Variants in DIP2C observed in about 807,000 individuals in gnomAD.
DIP2C encodes DIP2 acetate--CoA ligase C (putative), also known as disco-interacting protein 2 homolog C.
A neutral mutation model predicts 192.4 loss-of-function variants in DIP2C; 33 were observed. The ratio of observed to expected loss-of-function variants is 0.17; its 90% CI spans 0.13 to 0.23. The LOEUF (loss-of-function observed/expected upper bound fraction) is 0.23. Among genes scored for constraint, DIP2C ranks in the 10% least tolerant of loss-of-function variants. The pLI is 1.00. For missense variants in DIP2C, 1,537 were observed against 2,110.1 expected (o/e 0.73, Z 5.32); for synonymous variants, 979 against 864.1 (o/e 1.13, Z -2.33).
At chr10:542,890 T>TG (rs1216726561) in intron 1 of DIP2C, among the ~76,000 whole-genome samples, 1 of 151,814 alleles carries the variant, frequency 6.6e-6, no homozygotes, top group Admixed American at 6.6e-5. Context: ...GATTGGGGAG[T>TG]GGGGGGTTCT....
intron 1 of DIP2C, among the ~76,000 whole-genome samples, chr10:614,986 C>G (rs956347943): frequency 6.6e-6 from 1 of 152,224 alleles, no homozygotes; most frequent in East Asian, 1.9e-4. Context: ...CTGGACAGGC[C>G]ACCAGATGTG....
chr10:313,473 C>A lies in DIP2C; in HGVS notation c.3925-3381G>T, dbSNP rs565823692. ...TAACCAACCTTGAATCCCAAATATTCGAAAAAACTGCACCTGAACAGGCAC... is the reference window on the plus strand; with the variant it reads ...TAACCAACCTTGAATCCCAAATATTAGAAAAAACTGCACCTGAACAGGCAC... On this transcript the variant is annotated intron_variant, in intron 31 of 36. Transcript: ENST00000280886. 3.5e-4 allele frequency among the ~76,000 whole-genome samples: 18 copies of A among 51,790 alleles called. No individual in the cohort carries two copies. The South Asian group carries it at 7.7e-3, about 22-fold the overall frequency. The allele number at this position is 51,790 out of a possible 152,430, so 34.0% of individuals were successfully genotyped here.
At chr10:572,707 A>G (rs994612658) in intron 1 of DIP2C, among the ~76,000 whole-genome samples, 1 of 152,218 alleles carries the variant, frequency 6.6e-6, no homozygotes, top group African/African-American at 2.4e-5. Flanking sequence ...AAAGTTTTTT[A>G]AAATGACTTC....
intron 3 of DIP2C, among the ~76,000 whole-genome samples, chr10:453,366 CAT>C (rs993695030): frequency 5.3e-5 from 8 of 152,196 alleles, no homozygotes; most frequent in South Asian, 2.1e-4. Context: ...AGTCAACAGA[CAT>C]GTGTGCAAAC....
chr10:497,326 T>C (rs977912249), intron 1 of DIP2C, among the ~76,000 whole-genome samples: 13 of 152,286 alleles, frequency 8.5e-5, no homozygotes, highest in African/African-American at 2.6e-4. Flanking sequence ...CCCACGAATA[T>C]GGAAGGCCAA....
intron 1 of DIP2C, among the ~76,000 whole-genome samples, chr10:492,519 A>T (rs145823292): frequency 6.6e-6 from 1 of 152,160 alleles, no homozygotes; most frequent in African/African-American, 2.4e-5. Flanking sequence ...CATTCACCTG[A>T]GCTTTTTGCT....
chr10:659,053 T>C (rs1278659434), intron 1 of DIP2C, among the ~76,000 whole-genome samples: 1 of 152,076 alleles, frequency 6.6e-6, no homozygotes, highest in African/African-American at 2.4e-5. Flanking sequence ...AATACCAACA[T>C]GTAACACATA....
At chr10:592,481 GAAAAT>G (rs1851459703) in intron 1 of DIP2C, among the ~76,000 whole-genome samples, 1 of 151,462 alleles carries the variant, frequency 6.6e-6, no homozygotes, top group African/African-American at 2.5e-5. Flanking sequence ...CCTCAGCAGT[GAAAAT>G]AAACTATAGC....
At position 360,819 on chromosome 10, in the gene DIP2C, G is replaced by C. The variant is rs765645728; in HGVS notation, c.2794+1671C>G. On this transcript the variant is annotated intron_variant, in intron 22 of 36. Transcript: ENST00000280886. ...AAATATGAATTCATGCAGTAAGAAA[G>C]GCAATTTGGGTGTCAATAGGCTGTC... Among the ~76,000 whole-genome samples, 4 of 152,212 alleles carry C rather than the reference G, an allele frequency of 2.6e-5. No homozygotes were observed. In the South Asian group the frequency reaches 8.3e-4, roughly 32 times the overall value.
At chr10:533,345 C>A (rs1847522333) in intron 1 of DIP2C, among the ~76,000 whole-genome samples, 1 of 152,168 alleles carries the variant, frequency 6.6e-6, no homozygotes, top group Admixed American at 6.5e-5. Flanking sequence ...CCACCAGATT[C>A]CACAGGCAGG....
Position 298,839 on chromosome 10 carries a change from C to T in DIP2C, c.3987-10418G>A, listed in dbSNP as rs183153559. Among the ~76,000 whole-genome samples the T allele has an allele frequency of 1.4e-3, 211 of 152,346 alleles. 2 individuals carry two copies. Among genetic ancestry groups the T allele is most frequent in the African/African-American group, 5.0e-3 (206 of 41,568 alleles). ...CAACCCTCCAGTTCCTCAGGCACCT[C>T]TCTCCTACTTCAATCTTCGCTTGCT... On this transcript the variant is annotated intron_variant, in intron 32 of 36. Transcript: ENST00000280886.
chr10:312,401 A>G (rs539453862), intron 31 of DIP2C, among the ~76,000 whole-genome samples: 4 of 152,318 alleles, frequency 2.6e-5, no homozygotes, highest in Non-Finnish European at 4.4e-5. Context: ...GATTTTTCAC[A>G]GGCGCCTGGA....
chr10:341,162 A>AT lies in DIP2C; in HGVS notation c.3584+36dup, dbSNP rs371677994. On this transcript the variant is annotated intron_variant, in intron 29 of 36. Coordinates refer to ENST00000280886, the MANE Select transcript of DIP2C (RefSeq NM_014974.3). ...TAAGGTCTGGAGAGGAAGGTGCATG[A>AT]TTTTTTTTAATGTAAAGATATAGAG... 430 of 1,612,078 alleles carry AT rather than the reference A, an allele frequency of 2.7e-4. 3 individuals are homozygous for AT. In the African/African-American group the frequency reaches 3.6e-3, roughly 13 times the overall value.
intron 15 of DIP2C, 75 bp downstream of exon 15, chr10:384,471 C>T: frequency 6.9e-7 from 1 of 1,459,246 alleles, no homozygotes; most frequent in Non-Finnish European, 9.5e-7. Flanking sequence ...CTCCTGACCT[C>T]AGGTGATCCA....
intron 1 of DIP2C, among the ~76,000 whole-genome samples, chr10:539,461 T>C: frequency 6.6e-6 from 1 of 152,236 alleles, no homozygotes; most frequent in East Asian, 1.9e-4. Context: ...GCATATGTCA[T>C]ATGCAAACAC....
chr10:417,822 G>T (rs61837182), intron 6 of DIP2C, among the ~76,000 whole-genome samples: 647 of 4,176 alleles, frequency 0.15, 193 homozygotes, highest in African/African-American at 0.22. Flanking sequence ...CTGTCAGGGC[G>T]CGGACAGGCC....
intron 1 of DIP2C, among the ~76,000 whole-genome samples, chr10:561,203 T>A (rs1849197247): frequency 6.6e-6 from 1 of 152,202 alleles, no homozygotes. Flanking sequence ...TGGTAACTCA[T>A]TTGGCTCACA....
At chr10:285,922 T>G (rs2132165574) in intron 34 of DIP2C, among the ~76,000 whole-genome samples, 1 of 152,340 alleles carries the variant, frequency 6.6e-6, no homozygotes, top group East Asian at 1.9e-4. Flanking sequence ...TCTGCCACTT[T>G]CCTGGTGAAG....
intron 31 of DIP2C, among the ~76,000 whole-genome samples, chr10:321,324 G>A (rs568464164): frequency 6.6e-6 from 1 of 152,336 alleles, no homozygotes; most frequent in East Asian, 1.9e-4. Context: ...CTCATGAACT[G>A]TGCAGCTCAG....
Sources: allele counts gnomAD v4.1 joint callset (sites outside exome capture counted in the v4.1 genomes callset), GRCh38; gene constraint gnomAD v4.1.1; transcripts MANE v1.5; gene names NCBI Gene and HGNC (gene_info 2026-07-23, HGNC 2026-07-21).